SLC16A10: variants seen among roughly 807,000 people sequenced by gnomAD.
SLC16A10 encodes the protein monocarboxylate transporter 10.
SLC16A10 carries 27 observed loss-of-function variants against 40.0 expected under a neutral mutation model. That is an observed-to-expected ratio of 0.67 (90% CI 0.50 to 0.93). The LOEUF is 0.93. SLC16A10 is among the 40% of genes least tolerant of loss of function. The pLI is 0.00. For synonymous variants in SLC16A10, 213 were observed against 249.8 expected, an observed-to-expected ratio of 0.85 and a Z score of 1.39; for missense variants, 529 against 658.2, an observed-to-expected ratio of 0.80 and a Z score of 2.15.
chr6:111,095,124 G>A (rs1771050396), intron 1 of SLC16A10, among the ~76,000 whole-genome samples: 1 of 152,198 alleles, frequency 6.6e-6, no homozygotes, highest in Admixed American at 6.5e-5. Flanking sequence ...GCAAGCTCTG[G>A]CCCTTGCCTG....
chr6:111,173,889 C>T (rs543072367), intron 2 of SLC16A10, among the ~76,000 whole-genome samples: 2 of 152,228 alleles, frequency 1.3e-5, no homozygotes, highest in African/African-American at 4.8e-5. Flanking sequence ...CATCCCTAAC[C>T]GCCCTCCCCC....
chr6:111,178,467 C>G (rs148402763), intron 3 of SLC16A10: 1 of 529,292 alleles, frequency 1.9e-6, no homozygotes, highest in Non-Finnish European at 3.9e-6. Flanking sequence ...TGGTGCCTCA[C>G]GCCTGTAATC....
intron 4 of SLC16A10, among the ~76,000 whole-genome samples, chr6:111,209,845 T>G (rs1054388145): frequency 1.3e-5 from 2 of 152,180 alleles, no homozygotes; most frequent in African/African-American, 4.8e-5. Context: ...GAATGGTTTC[T>G]ACAGGTGCAG....
chr6:111,192,651 A>G (rs1399805075), intron 3 of SLC16A10, among the ~76,000 whole-genome samples: 2 of 152,212 alleles, frequency 1.3e-5, no homozygotes, highest in African/African-American at 2.4e-5. Flanking sequence ...TGGGCAATTT[A>G]TAAAGAAAAG....
chr6:111,181,282 A>G (rs978583786), intron 3 of SLC16A10, among the ~76,000 whole-genome samples: 2 of 151,760 alleles, frequency 1.3e-5, no homozygotes, highest in Non-Finnish European at 2.9e-5. Flanking sequence ...TTTGTTTCTT[A>G]CTAGTTGCAT....
At chr6:111,156,066 C>T (rs1048253782) in intron 1 of SLC16A10, among the ~76,000 whole-genome samples, 1 of 151,936 alleles carries the variant, frequency 6.6e-6, no homozygotes, top group African/African-American at 2.4e-5. Context: ...TCACAGGAGC[C>T]ATGTGAAAGA....
At chr6:111,134,599 AGCGGACTTTGGAG>A (rs1456720765) in intron 1 of SLC16A10, among the ~76,000 whole-genome samples, 1 of 152,116 alleles carries the variant, frequency 6.6e-6, no homozygotes, top group African/African-American at 2.4e-5. Flanking sequence ...CCCTCAGGCA[AGCGGACTTTGGAG>A]GCTCTGGAAA....
intron 1 of SLC16A10, 69 bp from the exon 2 acceptor site, chr6:111,172,626 A>T: frequency 6.4e-7 from 1 of 1,557,120 alleles, no homozygotes; most frequent in South Asian, 1.2e-5. Flanking sequence ...TGTGTATTAT[A>T]TCAATGGAAT....
chr6:111,146,695 C>T (rs1772085098), intron 1 of SLC16A10, among the ~76,000 whole-genome samples: 1 of 151,912 alleles, frequency 6.6e-6, no homozygotes, highest in South Asian at 2.1e-4. Flanking sequence ...CGAGATTGCG[C>T]CACTGCACTC....
intron 4 of SLC16A10, among the ~76,000 whole-genome samples, chr6:111,207,259 TG>T (rs1296505559): frequency 6.6e-6 from 1 of 152,258 alleles, no homozygotes; most frequent in East Asian, 1.9e-4. Flanking sequence ...CAAACCAGAA[TG>T]GTTTTCATCC....
intron 1 of SLC16A10, among the ~76,000 whole-genome samples, chr6:111,146,393 TTTACCACA>T (rs1256466541): frequency 1.3e-5 from 2 of 152,172 alleles, no homozygotes; most frequent in Non-Finnish European, 2.9e-5. Flanking sequence ...TCCTCAGAGA[TTTACCACA>T]TGGCACAGCA....
intron 3 of SLC16A10, among the ~76,000 whole-genome samples, chr6:111,205,998 CTT>C (rs920218049): frequency 6.6e-6 from 1 of 152,096 alleles, no homozygotes; most frequent in African/African-American, 2.4e-5. Context: ...TGTCTGTTCT[CTT>C]CCTTTAGCTA....
At chr6:111,091,974 A>C (rs1770983371) in intron 1 of SLC16A10, among the ~76,000 whole-genome samples, 1 of 152,204 alleles carries the variant, frequency 6.6e-6, no homozygotes, top group Non-Finnish European at 1.5e-5. Flanking sequence ...ACCAGAAGTA[A>C]TAGAATATTT....
chr6:111,101,218 G>A (rs1440922694), intron 1 of SLC16A10, among the ~76,000 whole-genome samples: 1 of 151,622 alleles, frequency 6.6e-6, no homozygotes, highest in Admixed American at 6.6e-5. Context: ...TTTTTGTAGA[G>A]ACAGGGTTTT....
In SLC16A10 at chr6:111,222,141, G is replaced by C. The variant is rs560761254; in HGVS notation, c.1454G>C (p.Gly485Ala). The C allele has an allele frequency of 3.1e-6, 5 of 1,607,366 alleles. No individual in the cohort carries two copies. In the East Asian group the frequency reaches 1.1e-4, roughly 36 times the overall value. ...KKQREISKTT[G>A]KEKMEKMLEN... The stretch of plus-strand genomic sequence containing the variant: ...CAAAGAGAGATCAGTAAAACCACTG[G>C]AAAAGAAAAGATGGAGAAAATGTTG... The change falls in exon 6 of 6, where the codon GGA (glycine) becomes GCA (alanine). Residue 485 changes from glycine (G) to alanine (A), a missense_variant. Coordinates refer to ENST00000368851, the MANE Select transcript of SLC16A10 (RefSeq NM_018593.5).
intron 1 of SLC16A10, among the ~76,000 whole-genome samples, chr6:111,100,978 C>CTATA (rs1771169891): frequency 8.1e-6 from 1 of 123,416 alleles, no homozygotes; most frequent in Non-Finnish European, 1.6e-5. Context: ...CTCTCTCTCT[C>CTATA]TCTCTCTCTC....
intron 1 of SLC16A10, among the ~76,000 whole-genome samples, chr6:111,160,281 C>T (rs112391963): frequency 0.012 from 1,815 of 152,320 alleles, 26 homozygotes; most frequent in African/African-American, 0.042. Context: ...CTCTGTTGCC[C>T]AGGCTGGAGT....
chr6:111,154,869 C>T (rs1238881064), intron 1 of SLC16A10, among the ~76,000 whole-genome samples: 2 of 151,744 alleles, frequency 1.3e-5, no homozygotes, highest in South Asian at 2.1e-4. Context: ...ACTAAAAATA[C>T]AAAAATTAGC....
In SLC16A10 at chr6:111,227,929, A is replaced by C. The variant is rs1771031931; in HGVS notation, c.*5694A>C. The C allele has an allele frequency of 6.6e-6, 1 of 152,206 alleles. No homozygotes were observed. The highest frequency in any genetic ancestry group is 1.5e-5 in the Non-Finnish European group (1 of 68,056). 9.4% of individuals were successfully genotyped at this position (152,206 alleles called of 1,614,324 possible). On this transcript the variant is annotated 3_prime_UTR_variant, in exon 6 of 6. Transcript: ENST00000368851. ...GAAGGGAGCTAATGGTGATTCTGGG[A>C]TTAAAAAGCAAGGGGGGTGCAAATT...
Sources: gnomAD v4.1 joint callset for allele counts (sites outside exome capture counted in the v4.1 genomes callset) on GRCh38, gnomAD v4.1.1 for gene constraint, MANE v1.5 for transcripts, NCBI Gene and HGNC (gene_info 2026-07-23, HGNC 2026-07-21) for gene names.